USP53: variants seen among roughly 807,000 people sequenced by gnomAD.
The protein encoded by USP53 is ubiquitin carboxyl-terminal hydrolase 53.
Under a neutral mutation model 94.9 loss-of-function variants are expected in USP53, and 71 were observed. The ratio of observed to expected loss-of-function variants is 0.75; its 90% CI spans 0.62 to 0.91. The LOEUF (loss-of-function observed/expected upper bound fraction) is 0.91. USP53 is among the 40% of genes least tolerant of loss of function. USP53 has a pLI of 0.00. For missense variants in USP53, 1,173 were observed against 1,281.0 expected, an observed-to-expected ratio of 0.92 and a Z score of 1.29; for synonymous variants, 375 against 422.7, an observed-to-expected ratio of 0.89 and a Z score of 1.39.
intron 17 of USP53, among the ~76,000 whole-genome samples, chr4:119,290,221 T>G (rs1754593105): frequency 6.6e-6 from 1 of 152,162 alleles, no homozygotes; most frequent in Non-Finnish European, 1.5e-5. Flanking sequence ...AAAAAATGAT[T>G]AATTTGGTAT....
intron 7 of USP53, among the ~76,000 whole-genome samples, chr4:119,253,808 T>C: frequency 6.6e-6 from 1 of 152,204 alleles, no homozygotes; most frequent in Admixed American, 6.5e-5. Flanking sequence ...AGTTTCTTCA[T>C]AGCGTCAATG....
intron 12 of USP53, among the ~76,000 whole-genome samples, chr4:119,266,651 A>C (rs1267097408): frequency 1.3e-5 from 2 of 151,202 alleles, no homozygotes; most frequent in Admixed American, 6.6e-5. Flanking sequence ...TTATCTTCTT[A>C]TTAATGTGTT....
At position 119,273,648 on chromosome 4, in the gene USP53, A is replaced by G. The variant is rs200687031; in HGVS notation, c.2191A>G (p.Ser731Gly). The G allele has an allele frequency of 1.9e-6, 3 of 1,613,212 alleles. No individual in the cohort carries two copies. The highest frequency in any genetic ancestry group is 4.5e-5 in the East Asian group (2 of 44,750). Residue 731 changes from serine (S) to glycine (G), a missense_variant, in exon 17 of 19, where the codon AGC becomes GGC. Coordinates refer to ENST00000692078, the MANE Select transcript of USP53 (RefSeq NM_001371395.1). Reference sequence around the variant, plus strand: ...ATTTTCTAGTGACCAGATTACGACAAGCAACCTAAATAAAGAACGTGGGGA... The same window carrying G: ...ATTTTCTAGTGACCAGATTACGACAGGCAACCTAAATAAAGAACGTGGGGA... ...TVCFSDQITT[S>G]NLNKERGDCT... is the part of the protein sequence containing the mutation.
At chr4:119,249,424 T>C (rs2149351952) in intron 7 of USP53, among the ~76,000 whole-genome samples, 1 of 152,320 alleles carries the variant, frequency 6.6e-6, no homozygotes, top group African/African-American at 2.4e-5. Context: ...TTTATACATG[T>C]AAAATAGGTA....
chr4:119,222,298 T>C (rs1266070979), intron 3 of USP53, among the ~76,000 whole-genome samples: 1 of 152,238 alleles, frequency 6.6e-6, no homozygotes, highest in Non-Finnish European at 1.5e-5. Flanking sequence ...GTTTGTTTCT[T>C]TGAGTTAGTA....
intron 5 of USP53, 94 bp from the exon 6 acceptor site, chr4:119,245,243 C>T: frequency 8.7e-7 from 1 of 1,148,636 alleles, no homozygotes; most frequent in Non-Finnish European, 1.3e-6. Context: ...TACTTGTTCG[C>T]CTTTTGCAAT....
intron 17 of USP53, among the ~76,000 whole-genome samples, chr4:119,285,228 A>ATAC (rs1291906602): frequency 6.6e-6 from 1 of 151,850 alleles, no homozygotes; most frequent in Non-Finnish European, 1.5e-5. Flanking sequence ...ATGAGAGCAG[A>ATAC]TACTGATTAG....
At chr4:119,291,336 T>C in intron 18 of USP53, 75 bp downstream of exon 18, 1 of 934,762 alleles carries the variant, frequency 1.1e-6, no homozygotes. Flanking sequence ...ATACATATTA[T>C]TACTTTGAAA....
At chr4:119,279,465 T>A (rs1367793223) in intron 17 of USP53, among the ~76,000 whole-genome samples, 1 of 149,196 alleles carries the variant, frequency 6.7e-6, no homozygotes, top group Admixed American at 6.7e-5. Flanking sequence ...GGTTCTCAGA[T>A]CTCCAGCTGC....
rs748227487 is a variant in USP53 at position 119,261,746 on chromosome 4, A to G, written c.854A>G (p.Lys285Arg). The G allele has an allele frequency of 6.4e-7, 1 of 1,565,830 alleles. No individual in the cohort carries two copies. Among genetic ancestry groups the G allele is most frequent in the African/African-American group, 1.3e-5 (1 of 74,526 alleles). The change falls in exon 12 of 19, where the codon AAA becomes AGA. Residue 285 changes from lysine to arginine, a missense_variant. By Grantham distance (26) the Lys-to-Arg change is conservative (BLOSUM62 2). Transcript: ENST00000692078. ...TATAGAGTTACTGATGAAAATGCCAAAAATAGTGAACTTAACCTTGTTGGT... is the reference window on the plus strand; with the variant it reads ...TATAGAGTTACTGATGAAAATGCCAGAAATAGTGAACTTAACCTTGTTGGT... The part of the protein sequence containing the change: ...LFYRVTDENA[K>R]NSELNLVGMI...
chr4:119,240,000 A>G, intron 5 of USP53, 97 bp downstream of exon 5: 2 of 1,177,294 alleles, frequency 1.7e-6, no homozygotes, highest in Non-Finnish European at 2.2e-6. Flanking sequence ...TAAAGTTACT[A>G]TAGACTAGAA....
chr4:119,239,738 A>G lies in USP53; in HGVS notation c.-22A>G. On this transcript the variant is annotated 5_prime_UTR_variant, in exon 5 of 19. An upstream start codon of the reference 5' UTR is lost. Transcript: ENST00000692078. Reference sequence around the variant, plus strand: ...TAAAAGTGTACAGTTTTTAGCCTAAATGCAAACAAAGTTGCTTGAAAATGG... The same window carrying G: ...TAAAAGTGTACAGTTTTTAGCCTAAGTGCAAACAAAGTTGCTTGAAAATGG... The G allele has an allele frequency of 6.3e-7, 1 of 1,597,914 alleles. No individual in the cohort carries two copies. The highest frequency in any genetic ancestry group is 8.5e-7 in the Non-Finnish European group (1 of 1,173,080).
In USP53 at chr4:119,293,135, A is replaced by G. The variant is rs1211426500; in HGVS notation, c.3146A>G (p.Tyr1049Cys). ...FSVDSCMTDT[Y>C]RLKYHQRPKL... ...GTTGATAGCTGCATGACGGATACATATAGATTGAAATACCATCAGAGGCCC... is the reference window on the plus strand; with the variant it reads ...GTTGATAGCTGCATGACGGATACATGTAGATTGAAATACCATCAGAGGCCC... Residue 1049 changes from tyrosine (Y) to cysteine (C), a missense_variant, in exon 19 of 19, where the codon TAT becomes TGT. Transcript: ENST00000692078. The G allele has an allele frequency of 6.2e-7, 1 of 1,613,576 alleles. No individual in the cohort carries two copies. The highest frequency in any genetic ancestry group is 2.2e-5 in the East Asian group (1 of 44,868).
chr4:119,233,431 CTAGAGATATT>C (rs1264269750), intron 3 of USP53, among the ~76,000 whole-genome samples: 1 of 151,990 alleles, frequency 6.6e-6, no homozygotes, highest in Non-Finnish European at 1.5e-5. Context: ...TTAATCATTT[CTAGAGATATT>C]TATTTATTTC....
Position 119,293,424 on chromosome 4 carries a change from A to G in USP53, c.*213A>G, listed in dbSNP as rs1754987341. 3.7e-6 allele frequency: 2 copies of G among 539,946 alleles called. No individual in the cohort carries two copies. The highest frequency in any genetic ancestry group is 6.5e-6 in the Non-Finnish European group (2 of 309,616). 33.4% of individuals were successfully genotyped at this position (539,946 alleles called of 1,614,324 possible). ...TGTGGCATTTTTAAAGTTGTTAATC[A>G]CTATACATATGTATGTGTATATGTG... On this transcript the variant is annotated 3_prime_UTR_variant, in exon 19 of 19. Coordinates refer to ENST00000692078, the MANE Select transcript of USP53 (RefSeq NM_001371395.1).
At chr4:119,221,671 A>G (rs1578407818) in intron 3 of USP53, among the ~76,000 whole-genome samples, 1 of 152,152 alleles carries the variant, frequency 6.6e-6, no homozygotes, top group Non-Finnish European at 1.5e-5. Flanking sequence ...TTCGAGGAGA[A>G]TATGCCAGAG....
chr4:119,239,951 A>T (rs753584761), intron 5 of USP53, 48 bp downstream of exon 5: 1 of 1,345,520 alleles, frequency 7.4e-7, no homozygotes, highest in South Asian at 2.3e-5. Flanking sequence ...TTTTCAGAAA[A>T]TCCTTTGTTT....
intron 3 of USP53, among the ~76,000 whole-genome samples, chr4:119,221,664 G>A (rs760398870): frequency 2.2e-4 from 34 of 152,058 alleles, no homozygotes; most frequent in Non-Finnish European, 2.5e-4. Flanking sequence ...TTGAGCCTTC[G>A]AGGAGAATAT....
intron 3 of USP53, among the ~76,000 whole-genome samples, chr4:119,232,667 G>T (rs552707023): frequency 6.6e-6 from 1 of 152,014 alleles, no homozygotes; most frequent in African/African-American, 2.4e-5. Context: ...TTGCATTCTC[G>T]TAATAAACTG....
Sources: allele counts gnomAD v4.1 joint callset (sites outside exome capture counted in the v4.1 genomes callset), GRCh38; gene constraint gnomAD v4.1.1; transcripts MANE v1.5; gene names NCBI Gene and HGNC (gene_info 2026-07-23, HGNC 2026-07-21).